CIB2: variants seen among roughly 807,000 people sequenced by gnomAD.
CIB2 encodes calcium and integrin binding family member 2, also known as calcium and integrin-binding family member 2.
In CIB2, 19 loss-of-function variants were observed where a neutral mutation model predicts 23.1. The observed-to-expected ratio is 0.82, with a 90% CI of 0.57 to 1.21. CIB2 has a LOEUF of 1.21. CIB2 is among the 50% of genes most tolerant of loss of function. The pLI is 0.00. For missense variants in CIB2, 220 were observed against 241.5 expected (o/e 0.91, Z 0.59); for synonymous variants, 94 against 91.7 (o/e 1.03, Z -0.14).
At chr15:78,112,942 T>C (rs891108131) in intron 2 of CIB2, among the ~76,000 whole-genome samples, 1 of 152,222 alleles carries the variant, frequency 6.6e-6, no homozygotes, top group African/African-American at 2.4e-5. Context: ...GTTTAGCAAG[T>C]GCTTACTCTG....
intron 3 of CIB2, 161 bp from the exon 4 acceptor site, chr15:78,109,543 A>G (rs527858292): frequency 1.3e-6 from 1 of 761,612 alleles, no homozygotes; most frequent in East Asian, 2.7e-5. Context: ...CACCTTCTTA[A>G]TTGGGTTGTG....
intron 2 of CIB2, among the ~76,000 whole-genome samples, chr15:78,116,838 TGGGAGGCCAAG>T (rs2074246728): frequency 6.6e-6 from 1 of 152,010 alleles, no homozygotes; most frequent in South Asian, 2.1e-4. Context: ...CCCAGTGCTT[TGGGAGGCCAAG>T]GGGAAAGGAT....
intron 1 of CIB2, among the ~76,000 whole-genome samples, chr15:78,126,149 C>CT (rs373142166): frequency 7.9e-6 from 1 of 126,820 alleles, no homozygotes; most frequent in East Asian, 2.0e-4. Context: ...TGCCCCCCCC[C>CT]CTTTTTTTTT....
chr15:78,131,225 C>T lies in CIB2; in HGVS notation c.-10G>A, dbSNP rs536373665. On this transcript the variant is annotated 5_prime_UTR_variant, in exon 1 of 6. Transcript: ENST00000258930. The surrounding 1 kb of genome is among the most constrained non-coding windows in gnomAD (Gnocchi z 5.8). ...TCTGCTTGTTCCCCATGGTGGCCGC[C>T]GCGCCGCCGCTCGCCCGCCCGGGCT... The T allele has an allele frequency of 3.3e-6, 5 of 1,500,946 alleles. No homozygotes were observed. In the South Asian group the frequency reaches 6.3e-5, roughly 19 times the overall value. The allele number at this position is 1,500,946 out of a possible 1,614,324, so 93.0% of individuals were successfully genotyped here. A position where few individuals can be genotyped will look rare whatever the true frequency, so the allele number is the denominator to read the frequency against.
At chr15:78,119,501 ACTGTTTT>A (rs1363427903) in intron 2 of CIB2, among the ~76,000 whole-genome samples, 1 of 152,134 alleles carries the variant, frequency 6.6e-6, no homozygotes, top group African/African-American at 2.4e-5. Flanking sequence ...GATCCATCAT[ACTGTTTT>A]CTTTAGCTTT....
intron 5 of CIB2, 125 bp from the exon 6 acceptor site, chr15:78,105,457 T>G: frequency 1.3e-6 from 2 of 1,555,390 alleles, no homozygotes; most frequent in East Asian, 2.4e-5. Flanking sequence ...GAACCCTGCA[T>G]AGTGGATGCA....
At chr15:78,109,200 C>CCG (rs1555425816) in intron 4 of CIB2, 35 bp downstream of exon 4, 7 of 1,159,168 alleles carry the variant, frequency 6.0e-6, no homozygotes, top group South Asian at 1.3e-5. Context: ...GTTCCCCCAC[C>CCG]GCATATTCAG....
chr15:78,130,890 G>C (rs779864270), intron 1 of CIB2, among the ~76,000 whole-genome samples: 1 of 151,832 alleles, frequency 6.6e-6, no homozygotes, highest in Non-Finnish European at 1.5e-5. Context: ...TGGGTGGCTG[G>C]AGAGGGGTTC....
At chr15:78,109,807 CAAA>C (rs61214041) in intron 3 of CIB2, among the ~76,000 whole-genome samples, 2 of 87,222 alleles carry the variant, frequency 2.3e-5, no homozygotes, top group African/African-American at 9.5e-5. Flanking sequence ...ACCATGTCTC[CAAA>C]AAAAAAAAAA....
intron 4 of CIB2, 64 bp from the exon 5 acceptor site, chr15:78,105,998 T>C (rs1567047923): frequency 2.2e-6 from 3 of 1,350,528 alleles, no homozygotes; most frequent in Non-Finnish European, 3.1e-6. Context: ...CCCTACACTA[T>C]AGCTCTTCCT....
At chr15:78,120,511 G>A in intron 2 of CIB2, 1 of 981,986 alleles carries the variant, frequency 1.0e-6, no homozygotes, top group Non-Finnish European at 1.2e-6. Context: ...CTGTCCCGCT[G>A]ATTAAAGAGC....
Position 78,109,353 on chromosome 15 carries a change from C to T in CIB2, c.228G>A (p.Ala76=), listed in dbSNP as rs148872246. The T allele has an allele frequency of 2.4e-5, 39 of 1,614,116 alleles. No individual in the cohort carries two copies. The highest frequency in any genetic ancestry group is 3.3e-4 in the Middle Eastern group (2 of 6,062). Residue 76 remains alanine, a synonymous_variant, in exon 4 of 6, where the codon GCG becomes GCA. Transcript: ENST00000258930. ...TCCCCTCACCATCCTCGGAAAACGCCGCCACGATCCTTTCTTTGAAGGGAT... is the reference window on the plus strand; with the variant it reads ...TCCCCTCACCATCCTCGGAAAACGCTGCCACGATCCTTTCTTTGAAGGGAT... ...RENPFKERIV[A]AFSEDGEGNL...
rs1292867966 is a variant in CIB2 at position 78,104,960 on chromosome 15, G to A, written c.*351C>T. On this transcript the variant is annotated 3_prime_UTR_variant, in exon 6 of 6. Coordinates refer to ENST00000258930, the MANE Select transcript of CIB2 (RefSeq NM_006383.4). This position sits in a 1 kb window ranked among gnomAD's most constrained non-coding sequence, Gnocchi z 4.4. ...TGACCAGGGTGTCTGCCAGCACTTGGACACGTCAGACCCCACCACCTCCTG... is the reference window on the plus strand; with the variant it reads ...TGACCAGGGTGTCTGCCAGCACTTGAACACGTCAGACCCCACCACCTCCTG... The A allele has an allele frequency of 3.4e-6, 1 of 291,954 alleles. No homozygotes were observed. The highest frequency in any genetic ancestry group is 6.6e-5 in the East Asian group (1 of 15,218). 18.1% of individuals were successfully genotyped at this position (291,954 alleles called of 1,614,324 possible).
chr15:78,121,719 C>T (rs911547590), intron 2 of CIB2, among the ~76,000 whole-genome samples: 4 of 152,208 alleles, frequency 2.6e-5, no homozygotes, highest in Admixed American at 2.0e-4. Context: ...TTTCCTGAGG[C>T]CTCCCCAGCC....
At chr15:78,115,801 C>T (rs1166986836) in intron 2 of CIB2, among the ~76,000 whole-genome samples, 1 of 150,426 alleles carries the variant, frequency 6.6e-6, no homozygotes, top group African/African-American at 2.5e-5. Flanking sequence ...CCTCAACCTC[C>T]TGAGTAGCTG....
rs572709859 is a variant in CIB2, at chr15:78,123,592, C to T, written c.86+113G>A. 8.2e-6 allele frequency: 9 copies of T among 1,092,658 alleles called. No homozygotes were observed. In the South Asian group the frequency reaches 8.7e-5, roughly 11 times the overall value. 67.7% of individuals were successfully genotyped at this position (1,092,658 alleles called of 1,614,324 possible). On this transcript the variant is annotated intron_variant, in intron 2 of 5. Transcript: ENST00000258930. ...GGGGACCTGAATGTGGCTCCTGATACATGCTGATGCTCTGCCTCAGCCCCA... is the reference window on the plus strand; with the variant it reads ...GGGGACCTGAATGTGGCTCCTGATATATGCTGATGCTCTGCCTCAGCCCCA...
intron 4 of CIB2, among the ~76,000 whole-genome samples, chr15:78,106,629 T>C (rs2074074759): frequency 6.6e-6 from 1 of 152,114 alleles, no homozygotes; most frequent in Admixed American, 6.5e-5. Flanking sequence ...GTGAACTCTC[T>C]CTTCTTACAT....
chr15:78,124,566 G>A (rs1260212308), intron 1 of CIB2, among the ~76,000 whole-genome samples: 3 of 152,188 alleles, frequency 2.0e-5, no homozygotes, highest in Non-Finnish European at 4.4e-5. Flanking sequence ...TGGCCACTAT[G>A]CCAGCCCTTG....
At position 78,105,377 on chromosome 15, in the gene CIB2, G is replaced by A. The variant is rs202201074; in HGVS notation, c.543-45C>T. The A allele has an allele frequency of 1.4e-4, 229 of 1,612,902 alleles. No homozygotes were observed. In the African/African-American group the frequency reaches 2.1e-3, roughly 15 times the overall value. On this transcript the variant is annotated intron_variant, in intron 5 of 5. Transcript: ENST00000258930. ...AAGAGAGGGTGAGAGGCCCTGGGTC[G>A]GGCAGGTAAAGGCTCCTCAGGGAAA...
Sources: allele counts gnomAD v4.1 joint callset (sites outside exome capture counted in the v4.1 genomes callset), GRCh38; gene constraint gnomAD v4.1.1; non-coding constraint Gnocchi (gnomAD v3.1); transcripts MANE v1.5; gene names NCBI Gene and HGNC (gene_info 2026-07-23, HGNC 2026-07-21).